The following EPHA5 variants were observed in gnomAD, a reference collection of about 807,000 sequenced individuals.
The protein encoded by EPHA5 is EPH receptor A5, also known as ephrin type-A receptor 5.
In EPHA5, 60 loss-of-function variants were observed where a neutral mutation model predicts 105.0. The ratio of observed to expected loss-of-function variants is 0.57; its 90% CI spans 0.46 to 0.71. The LOEUF (loss-of-function observed/expected upper bound fraction) is 0.71. Ranked by LOEUF, EPHA5 falls within the 30% of genes least tolerant of loss-of-function variation. The probability of loss-of-function intolerance (pLI) is 0.00; values close to 1 mark genes in which losing one functional copy is unlikely to be tolerated. For missense variants in EPHA5, 1,218 were observed against 1,274.7 expected, an observed-to-expected ratio of 0.96 and a Z score of 0.68; for synonymous variants, 513 against 449.1, an observed-to-expected ratio of 1.14 and a Z score of -1.80.
intron 2 of EPHA5, among the ~76,000 whole-genome samples, chr4:65,635,886 T>C (rs190124208): frequency 3.9e-5 from 6 of 152,172 alleles, no homozygotes; most frequent in Admixed American, 2.0e-4. Flanking sequence ...AATAATGAGA[T>C]TGATAGCTTA....
intron 2 of EPHA5, among the ~76,000 whole-genome samples, chr4:65,633,255 G>T (rs963701733): frequency 9.9e-5 from 15 of 152,018 alleles, no homozygotes; most frequent in Non-Finnish European, 1.6e-4. Flanking sequence ...TTTTCTCTGT[G>T]GGAGAGGGAG....
At chr4:65,577,657 T>C (rs1741196769) in intron 3 of EPHA5, among the ~76,000 whole-genome samples, 1 of 152,150 alleles carries the variant, frequency 6.6e-6, no homozygotes, top group South Asian at 2.1e-4. Context: ...TATTTTAATT[T>C]GAAATAGACT....
At chr4:65,661,098 T>C (rs185557205) in intron 1 of EPHA5, among the ~76,000 whole-genome samples, 34 of 152,292 alleles carry the variant, frequency 2.2e-4, no homozygotes, top group African/African-American at 7.7e-4. Flanking sequence ...AAGTAGGCAG[T>C]ACCATTATTG....
At chr4:65,563,150 CA>C (rs1393710119) in intron 3 of EPHA5, among the ~76,000 whole-genome samples, 1 of 151,628 alleles carries the variant, frequency 6.6e-6, no homozygotes, top group East Asian at 1.9e-4. Context: ...TTGTTTTAGC[CA>C]TACATAGTTC....
chr4:65,614,843 A>C (rs1219897965), intron 2 of EPHA5, among the ~76,000 whole-genome samples: 1 of 151,836 alleles, frequency 6.6e-6, no homozygotes, highest in Non-Finnish European at 1.5e-5. Flanking sequence ...ATGATTCTAA[A>C]GATACATATG....
intron 3 of EPHA5, among the ~76,000 whole-genome samples, chr4:65,509,167 T>C (rs1733356781): frequency 6.6e-6 from 1 of 152,146 alleles, no homozygotes; most frequent in Non-Finnish European, 1.5e-5. Flanking sequence ...GGTGTCAACA[T>C]TTAGAGACAT....
intron 16 of EPHA5, 151 bp downstream of exon 16, chr4:65,331,822 T>C: frequency 7.4e-7 from 1 of 1,349,686 alleles, no homozygotes; most frequent in South Asian, 2.2e-5. Flanking sequence ...ATGCAGTTGT[T>C]AACAATACAG....
intron 14 of EPHA5, 81 bp from the exon 15 acceptor site, chr4:65,336,206 C>A (rs1223819917): frequency 8.8e-6 from 10 of 1,139,388 alleles, no homozygotes; most frequent in Non-Finnish European, 1.2e-5. Context: ...CACTGTCCAA[C>A]TTTTATCCTT....
Position 65,351,565 on chromosome 4 carries a change from CA to C in EPHA5, c.2268del (p.Val757LeufsTer4), listed in dbSNP as rs1345529465. On this transcript the variant is annotated frameshift_variant, in exon 13 of 17. Transcript: ENST00000613740. LOFTEE classifies it high-confidence loss of function. ...KNDGQFTVIQ[L>X]VGMLRGISAG... ...GCAGAGATACCTCTCAGCATGCCAA[CA>C]AGCTGAATCACAGTGAACTGCCCAT... The C allele has an allele frequency of 6.2e-7, 1 of 1,613,518 alleles. No individual in the cohort carries two copies. Among genetic ancestry groups the C allele is most frequent in the Admixed American group, 1.7e-5 (1 of 59,906 alleles).
intron 11 of EPHA5, among the ~76,000 whole-genome samples, chr4:65,362,143 C>T (rs1434744241): frequency 6.6e-6 from 1 of 151,376 alleles, no homozygotes; most frequent in African/African-American, 2.4e-5. Flanking sequence ...AACAATAAAT[C>T]ACAGAAGGAA....
intron 5 of EPHA5, among the ~76,000 whole-genome samples, chr4:65,476,052 A>T (rs1729763909): frequency 6.6e-6 from 1 of 151,302 alleles, no homozygotes; most frequent in South Asian, 2.1e-4. Flanking sequence ...CTACAAATGT[A>T]ATTTTTTTTC....
intron 3 of EPHA5, among the ~76,000 whole-genome samples, chr4:65,541,128 G>A (rs764192805): frequency 8.6e-5 from 13 of 151,140 alleles, no homozygotes; most frequent in African/African-American, 2.7e-4. Flanking sequence ...AGGAAAAATC[G>A]GTATCAGCCA....
chr4:65,643,537 AGT>A, intron 1 of EPHA5, 110 bp from the exon 2 acceptor site: 1 of 835,102 alleles, frequency 1.2e-6, no homozygotes, highest in East Asian at 2.7e-5. Context: ...ACTGAAATTA[AGT>A]GTTCATTATG....
intron 5 of EPHA5, among the ~76,000 whole-genome samples, chr4:65,470,485 C>G (rs73222151): frequency 6.6e-6 from 1 of 152,094 alleles, no homozygotes; most frequent in African/African-American, 2.4e-5. Context: ...AACCACCACA[C>G]CTGGTGAAGA....
intron 3 of EPHA5, among the ~76,000 whole-genome samples, chr4:65,544,280 T>C (rs931770755): frequency 1.3e-5 from 2 of 152,078 alleles, no homozygotes; most frequent in Admixed American, 6.6e-5. Flanking sequence ...ATCATCAGTG[T>C]GAACAGGCAA....
chr4:65,529,365 C>T (rs1054168529), intron 3 of EPHA5, among the ~76,000 whole-genome samples: 1 of 151,922 alleles, frequency 6.6e-6, no homozygotes, highest in African/African-American at 2.4e-5. Flanking sequence ...TTATTGTTTC[C>T]TTTGAGTCTC....
At chr4:65,592,608 A>C (rs562632785) in intron 3 of EPHA5, among the ~76,000 whole-genome samples, 16 of 152,340 alleles carry the variant, frequency 1.1e-4, no homozygotes, top group Non-Finnish European at 5.9e-5. Flanking sequence ...TGGGAAGAAG[A>C]AAGCACAACC....
chr4:65,418,065 C>A (rs1240179749), intron 6 of EPHA5, among the ~76,000 whole-genome samples: 1 of 152,032 alleles, frequency 6.6e-6, no homozygotes. Context: ...AGCTATTAAC[C>A]CTTATTGCAT....
intron 5 of EPHA5, among the ~76,000 whole-genome samples, chr4:65,439,230 A>G (rs1026462915): frequency 1.3e-5 from 2 of 152,130 alleles, no homozygotes; most frequent in African/African-American, 4.8e-5. Context: ...AACTTGGAAT[A>G]CTTGAATACA....
Sources: allele counts gnomAD v4.1 joint callset (sites outside exome capture counted in the v4.1 genomes callset), GRCh38; gene constraint gnomAD v4.1.1; transcripts MANE v1.5; gene names NCBI Gene and HGNC (gene_info 2026-07-23, HGNC 2026-07-21).